Variants in CNOT1 observed in about 807,000 individuals in gnomAD.
The protein encoded by CNOT1 is CCR4-NOT transcription complex subunit 1.
A neutral mutation model predicts 273.8 loss-of-function variants in CNOT1; 15 were observed. The observed-to-expected ratio is 0.05, with a 90% CI of 0.04 to 0.08. The LOEUF (loss-of-function observed/expected upper bound fraction) is 0.08, where lower values mean the gene tolerates loss of function less well. Ranked by LOEUF, CNOT1 falls within the 10% of genes least tolerant of loss-of-function variation. The pLI, the probability that CNOT1 is intolerant of heterozygous loss-of-function variation, is 1.00. For missense variants in CNOT1, 1,644 were observed against 2,912.2 expected (o/e 0.56, Z 10.02); for synonymous variants, 1,022 against 1,005.5 (o/e 1.02, Z -0.31).
chr16:58,616,480 C>G (rs893739690), intron 1 of CNOT1, among the ~76,000 whole-genome samples: 1 of 152,094 alleles, frequency 6.6e-6, no homozygotes, highest in East Asian at 1.9e-4. Context: ...TGGTCTCAAA[C>G]TCCTGAGCTC....
chr16:58,623,727 G>T (rs1436100085), intron 1 of CNOT1, among the ~76,000 whole-genome samples: 1 of 152,106 alleles, frequency 6.6e-6, no homozygotes, highest in Non-Finnish European at 1.5e-5. Context: ...GCTCATGCCT[G>T]TCTGTAATCC....
chr16:58,588,709 T>C (rs2041956727), intron 3 of CNOT1, 90 bp downstream of exon 3: 3 of 1,487,330 alleles, frequency 2.0e-6, no homozygotes, highest in East Asian at 4.9e-5. Context: ...CGGATGCTAT[T>C]TTGTACGTGT....
intron 47 of CNOT1, chr16:58,522,883 G>A (rs2039453111): frequency 6.6e-6 from 1 of 152,290 alleles, no homozygotes; most frequent in Admixed American, 6.5e-5. Context: ...TGAGTATTAA[G>A]AGGGCAGGAA....
intron 16 of CNOT1, among the ~76,000 whole-genome samples, chr16:58,561,356 A>C (rs2151944160): frequency 6.6e-6 from 1 of 152,324 alleles, no homozygotes; most frequent in Admixed American, 6.5e-5. Flanking sequence ...TTTCCAGAAA[A>C]CATTCCATAG....
At chr16:58,535,682 G>A (rs183579890) in intron 39 of CNOT1, among the ~76,000 whole-genome samples, 192 of 151,906 alleles carry the variant, frequency 1.3e-3, no homozygotes, top group Non-Finnish European at 1.2e-3. Context: ...AAATATACTC[G>A]GTATGATTTA....
chr16:58,545,559 A>G lies in CNOT1; in HGVS notation c.4007-68T>C. 3 of 1,597,692 alleles carry G rather than the reference A, an allele frequency of 1.9e-6. No individual in the cohort carries two copies. In the South Asian group the frequency reaches 3.4e-5, roughly 18 times the overall value. On this transcript the variant is annotated intron_variant, in intron 29 of 48. Transcript: ENST00000317147. Reference sequence around the variant, plus strand: ...TTGACTTTATTATAAAATTAGCTTAATATCATTAAGTGGTCATTATCTAAT... The same window carrying G: ...TTGACTTTATTATAAAATTAGCTTAGTATCATTAAGTGGTCATTATCTAAT...
intron 17 of CNOT1, 124 bp from the exon 18 acceptor site, chr16:58,558,798 C>T (rs2040728629): frequency 5.4e-6 from 7 of 1,284,584 alleles, no homozygotes; most frequent in Non-Finnish European, 5.3e-6. Context: ...CACTCAATCA[C>T]GATGATACTT....
In CNOT1 at chr16:58,583,069, C is replaced by T. The variant is rs1484896583; in HGVS notation, c.920G>A (p.Gly307Asp). The change falls in exon 9 of 49, where the codon GGC (glycine) becomes GAC (aspartate). Residue 307 changes from glycine to aspartate, a missense_variant. Gly to Asp is a moderately conservative substitution (Grantham distance 94). This residue lies in a region of CNOT1 where 706 missense variants were observed against 1,021.2 expected (regional missense o/e 0.69). Coordinates refer to ENST00000317147, the MANE Select transcript of CNOT1 (RefSeq NM_016284.5). ...AATTCAACACACCTGTAATGGAATG[C>T]CATCTGTTAATCCTGAATGAGTTCG... ...MARTHSGLTDGIPLQSISAPG... is the reference protein window; with the variant it reads ...MARTHSGLTDDIPLQSISAPG... The T allele has an allele frequency of 5.0e-6, 8 of 1,613,800 alleles. No homozygotes were observed. Among genetic ancestry groups the T allele is most frequent in the African/African-American group, 1.3e-5 (1 of 74,882 alleles).
chr16:58,553,196 CAGG>C (rs2040512000), intron 22 of CNOT1, among the ~76,000 whole-genome samples: 1 of 151,874 alleles, frequency 6.6e-6, no homozygotes, highest in African/African-American at 2.4e-5. Flanking sequence ...CACTTGAACC[CAGG>C]AGGACAATGT....
At chr16:58,523,110 T>C (rs1208087569) in intron 47 of CNOT1, 1 of 226,212 alleles carries the variant, frequency 4.4e-6, no homozygotes, top group Non-Finnish European at 8.6e-6. Context: ...CTGGGCGTGG[T>C]GGCAGGCGCC....
chr16:58,576,977 T>C (rs2041475950), intron 13 of CNOT1, among the ~76,000 whole-genome samples: 1 of 152,236 alleles, frequency 6.6e-6, no homozygotes. Context: ...TAACTATTTC[T>C]GATGTTGCAC....
At chr16:58,529,456 A>G (rs1041410362) in intron 43 of CNOT1, among the ~76,000 whole-genome samples, 2 of 152,176 alleles carry the variant, frequency 1.3e-5, no homozygotes, top group South Asian at 4.1e-4. Context: ...AATAAATAAA[A>G]ATACAAACAA....
chr16:58,587,164 G>A lies in CNOT1; in HGVS notation c.433+37C>T, dbSNP rs749417036. ...TGATTAAAAACCCACGTATTTTAAA[G>A]TCTCACTTCGTGATATTTTTGGAAA... On this transcript the variant is annotated intron_variant, in intron 6 of 48. Transcript: ENST00000317147. 7 of 1,602,894 alleles carry A rather than the reference G, an allele frequency of 4.4e-6. No individual in the cohort carries two copies. In the South Asian group the frequency reaches 5.6e-5, roughly 13 times the overall value.
chr16:58,628,778 A>T (rs2043691960), intron 1 of CNOT1, among the ~76,000 whole-genome samples: 1 of 152,220 alleles, frequency 6.6e-6, no homozygotes, highest in Admixed American at 6.6e-5. Context: ...TTTAAATACA[A>T]CATTTTCAAA....
intron 45 of CNOT1, 46 bp from the exon 46 acceptor site, chr16:58,525,405 G>A: frequency 6.5e-7 from 1 of 1,535,908 alleles, no homozygotes; most frequent in Non-Finnish European, 8.9e-7. Flanking sequence ...TCCTGCAGAG[G>A]ACCAATTCTA....
At chr16:58,575,525 G>A (rs982910017) in intron 14 of CNOT1, among the ~76,000 whole-genome samples, 1 of 152,148 alleles carries the variant, frequency 6.6e-6, no homozygotes, top group African/African-American at 2.4e-5. Flanking sequence ...TAGGCTGTAC[G>A]TGGTGGCTCA....
chr16:58,616,686 G>A (rs562367656), intron 1 of CNOT1, among the ~76,000 whole-genome samples: 3 of 152,204 alleles, frequency 2.0e-5, no homozygotes, highest in African/African-American at 7.2e-5. Flanking sequence ...GCTTTCGTGA[G>A]AATGACATGA....
At chr16:58,611,482 G>A (rs1443479963) in intron 1 of CNOT1, among the ~76,000 whole-genome samples, 1 of 151,966 alleles carries the variant, frequency 6.6e-6, no homozygotes, top group East Asian at 1.9e-4. Context: ...GAGAACCACT[G>A]ACCTAAGGAG....
chr16:58,580,838 T>C, intron 11 of CNOT1, 78 bp from the exon 12 acceptor site: 3 of 1,377,440 alleles, frequency 2.2e-6, no homozygotes, highest in Non-Finnish European at 3.0e-6. Context: ...ACTAGGCTAT[T>C]GTCAATCTTA....
Sources: allele counts gnomAD v4.1 joint callset (sites outside exome capture counted in the v4.1 genomes callset), GRCh38; gene constraint gnomAD v4.1.1; regional missense constraint gnomAD v4.1.1; transcripts MANE v1.5; gene names NCBI Gene and HGNC (gene_info 2026-07-23, HGNC 2026-07-21).